SOX5: variants seen among roughly 807,000 people sequenced by gnomAD.
SOX5 encodes the protein SRY-box transcription factor 5.
Under a neutral mutation model 92.0 loss-of-function variants are expected in SOX5, and 9 were observed. That is an observed-to-expected ratio of 0.10 (90% confidence interval 0.06 to 0.17). SOX5 has a LOEUF of 0.17. SOX5 is among the 10% of genes least tolerant of loss of function. SOX5 has a pLI of 1.00. For missense variants in SOX5, 642 were observed against 944.5 expected (o/e 0.68, Z 4.20); for synonymous variants, 344 against 336.3 (o/e 1.02, Z -0.25).
chr12:24,538,450 G>A (rs779526400), intron 1 of SOX5, among the ~76,000 whole-genome samples: 5 of 152,038 alleles, frequency 3.3e-5, no homozygotes, highest in African/African-American at 4.8e-5. Context: ...CACTTAAGAC[G>A]TTTCTGCCCC....
intron 1 of SOX5, among the ~76,000 whole-genome samples, chr12:24,408,075 C>G (rs1024858359): frequency 2.0e-5 from 3 of 152,062 alleles, no homozygotes; most frequent in Non-Finnish European, 4.4e-5. Context: ...AAGGAATGTT[C>G]CAGACGAGGA....
chr12:23,723,987 A>C (rs1433907738), intron 6 of SOX5, among the ~76,000 whole-genome samples: 2 of 152,134 alleles, frequency 1.3e-5, no homozygotes, highest in Non-Finnish European at 2.9e-5. Flanking sequence ...CAATATTTGC[A>C]TATGTGGAAA....
chr12:24,211,824 T>C (rs1958650588), intron 4 of SOX5, among the ~76,000 whole-genome samples: 2 of 152,230 alleles, frequency 1.3e-5, no homozygotes, highest in South Asian at 4.1e-4. Context: ...GAGATGTTTG[T>C]CCCTTCCTTC....
chr12:23,726,002 G>A (rs2093090814), intron 6 of SOX5, among the ~76,000 whole-genome samples: 1 of 152,052 alleles, frequency 6.6e-6, no homozygotes, highest in African/African-American at 2.4e-5. Flanking sequence ...GAAAACTAGG[G>A]ATAAGCCTAG....
intron 6 of SOX5, among the ~76,000 whole-genome samples, chr12:23,705,469 T>C (rs1413027383): frequency 1.3e-5 from 2 of 151,838 alleles, no homozygotes; most frequent in Non-Finnish European, 2.9e-5. Context: ...CTTTCTAATG[T>C]TGAGGGGGAA....
intron 3 of SOX5, among the ~76,000 whole-genome samples, chr12:23,821,677 G>C (rs974584103): frequency 2.0e-5 from 3 of 152,160 alleles, no homozygotes; most frequent in Non-Finnish European, 4.4e-5. Flanking sequence ...AAACCAGCTT[G>C]ATCGTGGTAG....
intron 7 of SOX5, among the ~76,000 whole-genome samples, chr12:23,658,727 C>A (rs2082641107): frequency 6.6e-6 from 1 of 151,994 alleles, no homozygotes; most frequent in Non-Finnish European, 1.5e-5. Flanking sequence ...CCCATGTCTG[C>A]TAAAAATACA....
intron 1 of SOX5, among the ~76,000 whole-genome samples, chr12:24,435,373 C>G (rs112388284): frequency 1.3e-5 from 2 of 152,276 alleles, no homozygotes; most frequent in African/African-American, 4.8e-5. Context: ...GCCAATAAAG[C>G]TCTTATTTTT....
chr12:23,566,721 G>C (rs1270254798), intron 10 of SOX5, among the ~76,000 whole-genome samples: 2 of 152,234 alleles, frequency 1.3e-5, no homozygotes, highest in African/African-American at 2.4e-5. Context: ...CTAGATAACA[G>C]AAATGTCAAG....
rs145144660 is a variant in SOX5 at position 24,138,354 on chromosome 12, A to G, written c.-2+74989T>C. Among the ~76,000 whole-genome samples, 328 of 152,334 alleles carry G rather than the reference A, an allele frequency of 2.2e-3. 5 individuals are homozygous for G. Among genetic ancestry groups the G allele is most frequent in the Admixed American group, 0.02 (302 of 15,302 alleles). On this transcript the variant is annotated intron_variant, in intron 4 of 4. Coordinates refer to the SOX5 transcript ENST00000446891. ...TTACATCGCAGTTTGCATTTATTTT[A>G]CAAGGGCTATATTGATCTTATACAC...
intron 8 of SOX5, among the ~76,000 whole-genome samples, chr12:23,611,152 C>T (rs1319646445): frequency 6.6e-6 from 1 of 151,834 alleles, no homozygotes; most frequent in African/African-American, 2.4e-5. Flanking sequence ...CTCCTCTTTC[C>T]CCCTTGCCTT....
At chr12:24,356,442 T>C (rs1375474612) in intron 2 of SOX5, among the ~76,000 whole-genome samples, 8 of 152,220 alleles carry the variant, frequency 5.3e-5, no homozygotes, top group Non-Finnish European at 1.0e-4. Flanking sequence ...TTCCTCCTCC[T>C]TCCTCTCTCT....
chr12:24,307,254 A>T (rs186409639), intron 2 of SOX5, among the ~76,000 whole-genome samples: 1 of 152,160 alleles, frequency 6.6e-6, no homozygotes, highest in African/African-American at 2.4e-5. Flanking sequence ...CTAGTGAGGA[A>T]ATAGAAGCTT....
chr12:24,365,807 G>T (rs914606179), intron 2 of SOX5, among the ~76,000 whole-genome samples: 2 of 151,688 alleles, frequency 1.3e-5, no homozygotes, highest in Non-Finnish European at 2.9e-5. Context: ...TATGTTGCCA[G>T]TGTAAAGTGC....
intron 10 of SOX5, among the ~76,000 whole-genome samples, chr12:23,566,681 G>T (rs142449719): frequency 6.6e-6 from 1 of 152,144 alleles, no homozygotes; most frequent in East Asian, 1.9e-4. Context: ...AGTTGCAATT[G>T]TCTCTTCGGT....
intron 4 of SOX5, among the ~76,000 whole-genome samples, chr12:24,092,789 T>C (rs533519037): frequency 7.9e-5 from 12 of 152,384 alleles, no homozygotes; most frequent in African/African-American, 2.6e-4. Flanking sequence ...ACTTGGCATC[T>C]ATTTTTCCAC....
intron 6 of SOX5, among the ~76,000 whole-genome samples, chr12:23,710,260 C>CT (rs2091907764): frequency 6.6e-6 from 1 of 152,040 alleles, no homozygotes; most frequent in African/African-American, 2.4e-5. Context: ...TTTTATTATA[C>CT]TTTAAGTTCT....
chr12:24,155,699 G>A (rs1952095621), intron 4 of SOX5, among the ~76,000 whole-genome samples: 1 of 152,126 alleles, frequency 6.6e-6, no homozygotes, highest in South Asian at 2.1e-4. Context: ...AAAGTAAGGT[G>A]AATGAGTTCA....
chr12:23,968,884 C>T (rs1331435046), intron 4 of SOX5, among the ~76,000 whole-genome samples: 2 of 152,154 alleles, frequency 1.3e-5, no homozygotes, highest in African/African-American at 2.4e-5. Context: ...TCTCACTTTT[C>T]CCTCTCCCAC....
Sources: gnomAD v4.1 joint callset for allele counts (sites outside exome capture counted in the v4.1 genomes callset) on GRCh38, gnomAD v4.1.1 for gene constraint, MANE v1.5 for transcripts, NCBI Gene and HGNC (gene_info 2026-07-23, HGNC 2026-07-21) for gene names.